The following EEPD1 variants were observed in gnomAD, a reference collection of about 807,000 sequenced individuals.
EEPD1 encodes endonuclease/exonuclease/phosphatase family domain-containing protein 1.
EEPD1 carries 17 observed loss-of-function variants against 46.3 expected under a neutral mutation model. The ratio of observed to expected loss-of-function variants is 0.37; its 90% CI spans 0.25 to 0.55. The LOEUF is 0.55. Ranked by LOEUF, EEPD1 falls within the 20% of genes least tolerant of loss-of-function variation. The probability of loss-of-function intolerance (pLI) is 0.83; values close to 1 mark genes in which losing one functional copy is unlikely to be tolerated. For missense variants in EEPD1, 673 were observed against 745.6 expected (o/e 0.90, Z 1.13); for synonymous variants, 313 against 315.6 (o/e 0.99, Z 0.09).
At chr7:36,208,025 T>G (rs1307319512) in intron 2 of EEPD1, among the ~76,000 whole-genome samples, 2 of 151,464 alleles carry the variant, frequency 1.3e-5, no homozygotes, top group Non-Finnish European at 2.9e-5. Flanking sequence ...GAACGGTGCC[T>G]CCTCTGTACT....
intron 2 of EEPD1, among the ~76,000 whole-genome samples, chr7:36,191,509 G>A (rs772919694): frequency 1.3e-5 from 2 of 152,206 alleles, no homozygotes; most frequent in South Asian, 2.1e-4. Flanking sequence ...CTGGCAGCTT[G>A]GAAGCAGCTA....
rs1785516676 is a variant in EEPD1 at position 36,193,412 on chromosome 7, A to T, written c.878+38210A>T. 6.6e-6 allele frequency among the ~76,000 whole-genome samples: 1 copy of T among 152,150 alleles called. No homozygotes were observed. The highest frequency in any genetic ancestry group is 1.5e-5 in the Non-Finnish European group (1 of 68,018). On this transcript the variant is annotated intron_variant, in intron 2 of 7. Transcript: ENST00000242108. The surrounding 1 kb of genome is among the most constrained non-coding windows in gnomAD (Gnocchi z 4.9). ...TGCCACACAGGAGGACAAAGGAGAGATGCAGCTAGATGAGGAGAGAACAGC... is the reference window on the plus strand; with the variant it reads ...TGCCACACAGGAGGACAAAGGAGAGTTGCAGCTAGATGAGGAGAGAACAGC...
In EEPD1 at chr7:36,270,289, A is replaced by G. The variant is rs538576363; in HGVS notation, c.931-10826A>G. Among the ~76,000 whole-genome samples, 6 of 152,276 alleles carry G rather than the reference A, an allele frequency of 3.9e-5. No homozygotes were observed. The East Asian group carries it at 7.7e-4, about 20-fold the overall frequency. On this transcript the variant is annotated intron_variant, in intron 3 of 7. Transcript: ENST00000242108. ...TTATCCTGCACTTGTATTTATTTATAGCAGGACATAAGCCTTTATTTATTT... is the reference window on the plus strand; with the variant it reads ...TTATCCTGCACTTGTATTTATTTATGGCAGGACATAAGCCTTTATTTATTT...
chr7:36,202,420 C>T (rs1458404480), intron 2 of EEPD1, among the ~76,000 whole-genome samples: 1 of 152,026 alleles, frequency 6.6e-6, no homozygotes, highest in Non-Finnish European at 1.5e-5. Context: ...GTTCGCTAGC[C>T]GGGGTGAAGC....
At chr7:36,235,804 C>A (rs1186910738) in intron 2 of EEPD1, among the ~76,000 whole-genome samples, 1 of 152,114 alleles carries the variant, frequency 6.6e-6, no homozygotes, top group Admixed American at 6.6e-5. Flanking sequence ...TTTTTTATGG[C>A]AAAATGTTTA....
rs747815515 is a variant in EEPD1, at chr7:36,154,502, G to A, written c.178G>A (p.Val60Met). The change falls in exon 2 of 8, where the codon GTG becomes ATG. Residue 60 changes from valine to methionine, a missense_variant. By Grantham distance (21) the Val-to-Met change is conservative (BLOSUM62 1). Transcript: ENST00000242108. The surrounding 1 kb of genome is among the most constrained non-coding windows in gnomAD (Gnocchi z 4.2). ...GACCCTGCCTGGGGTGACGCGTGCC[G>A]TGGCACGCAGCATCGTGGAGTACCG... ...LMTLPGVTRA[V>M]ARSIVEYREY... 2 of 1,614,082 alleles carry A rather than the reference G, an allele frequency of 1.2e-6. No individual in the cohort carries two copies. The highest frequency in any genetic ancestry group is 1.3e-5 in the African/African-American group (1 of 74,940).
chr7:36,178,228 C>G (rs1227329067), intron 2 of EEPD1, among the ~76,000 whole-genome samples: 3 of 150,882 alleles, frequency 2.0e-5, no homozygotes, highest in Admixed American at 6.6e-5. Flanking sequence ...AACTGCCATC[C>G]CCGCGGTTAC....
At chr7:36,246,804 C>T (rs573973009) in intron 3 of EEPD1, among the ~76,000 whole-genome samples, 2 of 152,100 alleles carry the variant, frequency 1.3e-5, no homozygotes, top group Non-Finnish European at 2.9e-5. Flanking sequence ...AGAGTATGTG[C>T]ATTTCATCAG....
At chr7:36,238,655 G>A (rs891186551) in intron 2 of EEPD1, among the ~76,000 whole-genome samples, 2 of 152,176 alleles carry the variant, frequency 1.3e-5, no homozygotes, top group Non-Finnish European at 2.9e-5. Context: ...AAACATTTAA[G>A]TTGTTTCTAC....
chr7:36,185,363 TGTGTGG>T (rs1785347012), intron 2 of EEPD1, among the ~76,000 whole-genome samples: 1 of 152,242 alleles, frequency 6.6e-6, no homozygotes, highest in Non-Finnish European at 1.5e-5. Flanking sequence ...TCTATTCCAT[TGTGTGG>T]GTATCCCACA....
chr7:36,239,337 A>G (rs1294334833), intron 3 of EEPD1, among the ~76,000 whole-genome samples: 2 of 152,082 alleles, frequency 1.3e-5, no homozygotes, highest in East Asian at 3.9e-4. Flanking sequence ...GCTTTCAGCC[A>G]TTAGGAGCCA....
chr7:36,164,635 C>CGG (rs1414980171), intron 2 of EEPD1, among the ~76,000 whole-genome samples: 1 of 152,180 alleles, frequency 6.6e-6, no homozygotes, highest in East Asian at 1.9e-4. Context: ...GGTTACTGAC[C>CGG]TACCATTCTT....
chr7:36,289,973 G>A (rs1480534131), intron 6 of EEPD1, among the ~76,000 whole-genome samples: 1 of 152,182 alleles, frequency 6.6e-6, no homozygotes, highest in Non-Finnish European at 1.5e-5. Context: ...AGGACATGCC[G>A]TGACCAACGT....
rs142544402 is a variant in EEPD1 at position 36,300,998 on chromosome 7, T to C, written c.*1792T>C. The C allele has an allele frequency of 6.6e-6, 1 of 152,386 alleles. No homozygotes were observed. Among genetic ancestry groups the C allele is most frequent in the East Asian group, 1.9e-4 (1 of 5,194 alleles). 9.4% of individuals were successfully genotyped at this position (152,386 alleles called of 1,614,324 possible). ...AGCACATCGTTTCTGGTGCCTCATC[T>C]AAAGGTGAAACCTCCCCTACATTCA... is the stretch of plus-strand genomic sequence containing the variant. On this transcript the variant is annotated 3_prime_UTR_variant, in exon 8 of 8. Coordinates refer to ENST00000242108, the MANE Select transcript of EEPD1 (RefSeq NM_030636.3).
intron 2 of EEPD1, among the ~76,000 whole-genome samples, chr7:36,214,246 A>G (rs1229128133): frequency 1.3e-5 from 2 of 152,182 alleles, no homozygotes; most frequent in African/African-American, 4.8e-5. Context: ...AGCAAAGAGG[A>G]TGGGACAAAT....
chr7:36,164,516 T>A (rs1474704818), intron 2 of EEPD1, among the ~76,000 whole-genome samples: 1 of 152,214 alleles, frequency 6.6e-6, no homozygotes, highest in Non-Finnish European at 1.5e-5. Flanking sequence ...TAGGATAACA[T>A]CTATTATGTT....
chr7:36,171,492 A>G (rs1040246661), intron 2 of EEPD1, among the ~76,000 whole-genome samples: 2 of 152,238 alleles, frequency 1.3e-5, no homozygotes, highest in African/African-American at 2.4e-5. Flanking sequence ...ATTATCTTTC[A>G]TAGTTCAGAC....
chr7:36,292,157 T>G (rs1351187609), intron 6 of EEPD1, among the ~76,000 whole-genome samples: 3 of 152,166 alleles, frequency 2.0e-5, no homozygotes, highest in African/African-American at 7.2e-5. Flanking sequence ...GAGTGCCCCG[T>G]GCCAGGCGCT....
chr7:36,246,680 T>G (rs1050512386), intron 3 of EEPD1, among the ~76,000 whole-genome samples: 1 of 152,118 alleles, frequency 6.6e-6, no homozygotes, highest in Non-Finnish European at 1.5e-5. Flanking sequence ...CAGTCCTCCC[T>G]GCTGATAGGT....
Sources: allele counts gnomAD v4.1 joint callset (sites outside exome capture counted in the v4.1 genomes callset), GRCh38; gene constraint gnomAD v4.1.1; non-coding constraint Gnocchi (gnomAD v3.1); transcripts MANE v1.5; gene names NCBI Gene and HGNC (gene_info 2026-07-23, HGNC 2026-07-21).